The following EMSY variants were observed in gnomAD, a reference collection of about 807,000 sequenced individuals.
The protein encoded by EMSY is EMSY transcriptional repressor, BRCA2 interacting, also known as BRCA2-interacting transcriptional repressor EMSY.
Under a neutral mutation model 134.6 loss-of-function variants are expected in EMSY, and 26 were observed. That is an observed-to-expected ratio of 0.19 (90% confidence interval 0.14 to 0.27). The LOEUF is 0.27. EMSY is among the 10% of genes least tolerant of loss of function. EMSY has a pLI of 1.00. For missense variants in EMSY, 1,305 were observed against 1,611.4 expected (o/e 0.81, Z 3.26); for synonymous variants, 579 against 577.8 (o/e 1.00, Z -0.03).
chr11:76,446,486 G>A (rs1466415528), intron 1 of EMSY, among the ~76,000 whole-genome samples: 1 of 152,120 alleles, frequency 6.6e-6, no homozygotes, highest in African/African-American at 2.4e-5. Flanking sequence ...AAATGAGGAA[G>A]CTGACAGGAG....
At position 76,499,377 on chromosome 11, in the gene EMSY, T is replaced by G. The variant is rs1042348293; in HGVS notation, c.1363+2908T>G. Among the ~76,000 whole-genome samples the G allele has an allele frequency of 1.5e-4, 21 of 141,398 alleles. No homozygotes were observed. In the Admixed American group the frequency reaches 1.6e-3, roughly 11 times the overall value. The allele number at this position is 141,398 out of a possible 152,430, so 92.8% of individuals were successfully genotyped here. A position where few individuals can be genotyped will look rare whatever the true frequency, so the allele number is the denominator to read the frequency against. Reference sequence around the variant, plus strand: ...ATCTCGGCTCACTGCAAGCTCCACCTTCTGGGTTCACACCATTCTCCTGCC... The same window carrying G: ...ATCTCGGCTCACTGCAAGCTCCACCGTCTGGGTTCACACCATTCTCCTGCC... On this transcript the variant is annotated intron_variant, in intron 9 of 20. Coordinates refer to ENST00000334736, the Ensembl canonical transcript of EMSY.
chr11:76,531,250 C>A (rs1951030593), intron 14 of EMSY, among the ~76,000 whole-genome samples: 1 of 152,194 alleles, frequency 6.6e-6, no homozygotes, highest in African/African-American at 2.4e-5. Flanking sequence ...AATTTACAAT[C>A]CATATTCAAA....
chr11:76,486,135 G>A, intron 8 of EMSY, among the ~76,000 whole-genome samples: 1 of 152,078 alleles, frequency 6.6e-6, no homozygotes, highest in Admixed American at 6.6e-5. Context: ...ATCATTCTTG[G>A]CAAACTAACA....
chr11:76,550,158 A>G (rs778640661), exon 21 of EMSY: 5 of 1,577,136 alleles, frequency 3.2e-6, no homozygotes, highest in South Asian at 2.4e-5. Context: ...GTTTGGACAC[A>G]ATAGTGCACT....
chr11:76,471,947 C>A lies in EMSY; in HGVS notation c.832-617C>A, dbSNP rs77578787. On this transcript the variant is annotated intron_variant, in intron 7 of 20. Coordinates refer to ENST00000334736, the Ensembl canonical transcript of EMSY. ...TCTGGGTAGCACCATGGTTCATATCCCTACTTCCTTCTGGTTTCTGTTCAT... is the reference window on the plus strand; with the variant it reads ...TCTGGGTAGCACCATGGTTCATATCACTACTTCCTTCTGGTTTCTGTTCAT... Among the ~76,000 whole-genome samples the A allele has an allele frequency of 1.5e-3, 221 of 152,222 alleles. 4 individuals carry two copies. The East Asian group carries it at 0.039, about 27-fold the overall frequency.
At chr11:76,458,601 G>T (rs1947973883) in intron 5 of EMSY, 1 of 315,362 alleles carries the variant, frequency 3.2e-6, no homozygotes, top group Admixed American at 4.8e-5. Flanking sequence ...CCTCGGAATA[G>T]ATTTTTGATA....
At chr11:76,517,731 A>G (rs535411833) in intron 11 of EMSY, among the ~76,000 whole-genome samples, 392 of 152,314 alleles carry the variant, frequency 2.6e-3, no homozygotes, top group African/African-American at 9.1e-3. Flanking sequence ...CCATCTTTGT[A>G]TTGAATTATA....
intron 9 of EMSY, among the ~76,000 whole-genome samples, chr11:76,512,748 C>T (rs756504965): frequency 6.6e-6 from 1 of 150,660 alleles, no homozygotes; most frequent in Non-Finnish European, 1.5e-5. Context: ...CATAAATCAC[C>T]ACCCTAGCAC....
intron 12 of EMSY, among the ~76,000 whole-genome samples, chr11:76,523,708 T>TTTTC (rs1458794057): frequency 6.9e-6 from 1 of 144,354 alleles, no homozygotes; most frequent in Non-Finnish European, 1.5e-5. Context: ...TACTTTCTTT[T>TTTTC]TTTTTTTTTT....
At chr11:76,496,285 A>C (rs1170579071) in exon 9 of EMSY, 2 of 1,614,022 alleles carry the variant, frequency 1.2e-6, no homozygotes, top group African/African-American at 2.7e-5. Flanking sequence ...TGAGTGCCCC[A>C]ACTCAGATTC....
intron 13 of EMSY, among the ~76,000 whole-genome samples, chr11:76,526,940 T>C (rs1950866058): frequency 6.6e-6 from 1 of 152,144 alleles, no homozygotes; most frequent in Non-Finnish European, 1.5e-5. Context: ...GGGAGGATCA[T>C]AGTCATTCAG....
rs1435989189 is a variant in EMSY at position 76,496,487 on chromosome 11, A to G, written c.1363+18A>G. ...GGAGTCAGGTAACTGGAAAATGTTTATAAGATATGGTAATTCTTCTTTATT... is the reference window on the plus strand; with the variant it reads ...GGAGTCAGGTAACTGGAAAATGTTTGTAAGATATGGTAATTCTTCTTTATT... On this transcript the variant is annotated intron_variant, in intron 9 of 20. Coordinates refer to ENST00000334736, the Ensembl canonical transcript of EMSY. 1.2e-6 allele frequency: 2 copies of G among 1,612,648 alleles called. No homozygotes were observed. Among genetic ancestry groups the G allele is most frequent in the East Asian group, 2.2e-5 (1 of 44,898 alleles).
chr11:76,530,353 G>T (rs545496181), intron 14 of EMSY, among the ~76,000 whole-genome samples: 6 of 152,050 alleles, frequency 3.9e-5, no homozygotes, highest in African/African-American at 7.2e-5. Context: ...TAGCGACGGG[G>T]TTTCATCATG....
chr11:76,454,532 G>A (rs958997771), intron 4 of EMSY, among the ~76,000 whole-genome samples: 5 of 152,016 alleles, frequency 3.3e-5, no homozygotes, highest in Non-Finnish European at 5.9e-5. Flanking sequence ...TGGTAACTGC[G>A]CCTAGATTCT....
exon 20 of EMSY, chr11:76,546,172 G>A (rs2136830872): frequency 2.5e-6 from 4 of 1,614,184 alleles, no homozygotes; most frequent in Non-Finnish European, 3.4e-6. Flanking sequence ...TCCATCCACT[G>A]TTGGCTCTTC....
chr11:76,537,980 G>A lies in EMSY; in HGVS notation c.2515+30G>A. Reference sequence around the variant, plus strand: ...GTGTCCTCTTAAAATGTAGTATTAAGGTAGGAGAACTACCTTCCTGGATTT... The same window carrying A: ...GTGTCCTCTTAAAATGTAGTATTAAAGTAGGAGAACTACCTTCCTGGATTT... On this transcript the variant is annotated intron_variant, in intron 16 of 20. Transcript: ENST00000334736. The A allele has an allele frequency of 2.6e-6, 4 of 1,555,014 alleles. 1 individual carries two copies. In the South Asian group the frequency reaches 4.8e-5, roughly 19 times the overall value.
chr11:76,529,037 C>T (rs376621152), intron 14 of EMSY, among the ~76,000 whole-genome samples: 16 of 152,200 alleles, frequency 1.1e-4, no homozygotes, highest in African/African-American at 3.1e-4. Context: ...ATGGAAGGAA[C>T]GATGAAGCTA....
At position 76,535,936 on chromosome 11, in the gene EMSY, G is replaced by A. The variant is rs759079130; in HGVS notation, c.2236G>A (p.Asp746Asn). ...TCATGTAATTGCTTCCCGGCGTCAG[G>A]ATTGGTCAGAACATGAGATTGCAAT... Residue 746 changes from aspartate (D) to asparagine (N), a missense_variant, in exon 15 of 21, where the codon GAT becomes AAT. Asp to Asn is a conservative substitution (Grantham distance 23, BLOSUM62 1). This residue lies in a region of EMSY where 664 missense variants were observed against 763.9 expected (regional missense o/e 0.87). Coordinates refer to ENST00000334736, the Ensembl canonical transcript of EMSY. 3.2e-6 allele frequency: 5 copies of A among 1,580,008 alleles called. No homozygotes were observed. In the Admixed American group the frequency reaches 7.1e-5, roughly 23 times the overall value.
At chr11:76,478,568 C>T (rs979496178) in intron 8 of EMSY, among the ~76,000 whole-genome samples, 1 of 151,822 alleles carries the variant, frequency 6.6e-6, no homozygotes, top group Non-Finnish European at 1.5e-5. Context: ...GCCTTGAACT[C>T]CTGACCTCAT....
Sources: allele counts gnomAD v4.1 joint callset (sites outside exome capture counted in the v4.1 genomes callset), GRCh38; gene constraint gnomAD v4.1.1; regional missense constraint gnomAD v4.1.1; transcripts MANE v1.5; gene names NCBI Gene and HGNC (gene_info 2026-07-23, HGNC 2026-07-21).